SLC22A24: variants seen among roughly 807,000 people sequenced by gnomAD.
The protein encoded by SLC22A24 is steroid transmembrane transporter SLC22A24.
In SLC22A24, 53 loss-of-function variants were observed where a neutral mutation model predicts 49.8. The ratio of observed to expected loss-of-function variants is 1.06; its 90% CI spans 0.85 to 1.34. The LOEUF is 1.34. Ranked by LOEUF, SLC22A24 falls within the 40% of genes most tolerant of loss-of-function variation. The pLI is 0.00. For missense variants in SLC22A24, 786 were observed against 675.9 expected (o/e 1.16, Z -1.81); for synonymous variants, 302 against 256.4 (o/e 1.18, Z -1.70).
Position 63,119,329 on chromosome 11 carries a change from T to A in SLC22A24, c.513A>T (p.Gly171=). Residue 171 remains glycine (G), a synonymous_variant, in exon 3 of 10, where the codon GGA becomes GGT. Coordinates refer to ENST00000612278, the MANE Select transcript of SLC22A24 (RefSeq NM_001136506.2). ...AACACAATTTGCATATGATCTTCCG[T>A]CCAACCCTAAGAAATATTAAACCAG... ...LIYGHLSDRV[G]RKIICKLCFL... 6.5e-7 allele frequency: 1 copy of A among 1,532,334 alleles called. No homozygotes were observed. The highest frequency in any genetic ancestry group is 1.2e-5 in the South Asian group (1 of 80,216). 94.9% of individuals were successfully genotyped at this position (1,532,334 alleles called of 1,614,324 possible).
At chr11:63,131,822 G>A (rs560992248) in intron 2 of SLC22A24, among the ~76,000 whole-genome samples, 27 of 152,232 alleles carry the variant, frequency 1.8e-4, no homozygotes, top group South Asian at 1.7e-3. Flanking sequence ...TTGAATGTTG[G>A]CCTGCCTATC....
rs1313582371 is a variant in SLC22A24 at position 63,081,643 on chromosome 11, A to G, written c.1309T>C (p.Leu437=). 1 of 1,551,332 alleles carries G rather than the reference A, an allele frequency of 6.4e-7. No homozygotes were observed. The highest frequency in any genetic ancestry group is 1.4e-5 in the African/African-American group (1 of 73,050). ...ACACTACCAATTCCCAAAGTTGCTA[A>G]AACCACACGCAGGATCTGCATTTCT... The part of the protein sequence containing the change: ...PQEMQILRVV[L]ATLGIGSVSA... Residue 437 remains leucine (L), a synonymous_variant, in exon 8 of 10, where the codon TTA becomes CTA. Coordinates refer to ENST00000612278, the MANE Select transcript of SLC22A24 (RefSeq NM_001136506.2).
intron 2 of SLC22A24, among the ~76,000 whole-genome samples, chr11:63,124,861 C>G (rs1003188480): frequency 6.6e-6 from 1 of 151,662 alleles, no homozygotes; most frequent in African/African-American, 2.4e-5. Flanking sequence ...GGACAAAAAA[C>G]CAAACAACGC....
At chr11:63,142,946 A>G (rs1370174678) in intron 1 of SLC22A24, among the ~76,000 whole-genome samples, 1 of 152,192 alleles carries the variant, frequency 6.6e-6, no homozygotes, top group Non-Finnish European at 1.5e-5. Context: ...AAAACAACCA[A>G]AACTAAGTAT....
Position 63,127,999 on chromosome 11 carries a change from C to T in SLC22A24, c.506+6666G>A, listed in dbSNP as rs139672408. 3.2e-3 allele frequency among the ~76,000 whole-genome samples: 468 copies of T among 146,388 alleles called. 2 individuals are homozygous for T. The highest frequency in any genetic ancestry group is 9.7e-3 in the South Asian group (42 of 4,320). ...TGTGGGCGGCAAGCCACCCAGGCACCGACGCAAGAGACTGAGAGCAGGAGC... is the reference window on the plus strand; with the variant it reads ...TGTGGGCGGCAAGCCACCCAGGCACTGACGCAAGAGACTGAGAGCAGGAGC... On this transcript the variant is annotated intron_variant, in intron 2 of 9. Coordinates refer to ENST00000612278, the MANE Select transcript of SLC22A24 (RefSeq NM_001136506.2).
intron 2 of SLC22A24, among the ~76,000 whole-genome samples, chr11:63,126,590 C>T (rs114243191): frequency 0.021 from 3,121 of 152,136 alleles, 100 homozygotes; most frequent in African/African-American, 0.07. Flanking sequence ...AGTCAGGTAG[C>T]GTGTTGCCTC....
At chr11:63,103,986 C>T in intron 5 of SLC22A24, 189 bp downstream of exon 5, 1 of 506,514 alleles carries the variant, frequency 2.0e-6, no homozygotes, top group Non-Finnish European at 3.3e-6. Context: ...ATATCCACTT[C>T]TCCCAGTATA....
chr11:63,132,011 C>T (rs1229244111), intron 2 of SLC22A24, among the ~76,000 whole-genome samples: 2 of 152,102 alleles, frequency 1.3e-5, no homozygotes, highest in Non-Finnish European at 2.9e-5. Context: ...CTTGTCTTCT[C>T]ACTTTATTTC....
chr11:63,108,799 T>G (rs1225659623), intron 4 of SLC22A24, among the ~76,000 whole-genome samples: 1 of 151,782 alleles, frequency 6.6e-6, no homozygotes, highest in Non-Finnish European at 1.5e-5. Flanking sequence ...CATTTTTTTT[T>G]GCATCTATTT....
At chr11:63,093,372 A>G (rs2087032552) in intron 6 of SLC22A24, among the ~76,000 whole-genome samples, 1 of 152,146 alleles carries the variant, frequency 6.6e-6, no homozygotes, top group African/African-American at 2.4e-5. Context: ...AAATCATTCT[A>G]CCATAAAAAC....
At chr11:63,107,668 C>T (rs2087130776) in intron 4 of SLC22A24, among the ~76,000 whole-genome samples, 1 of 151,894 alleles carries the variant, frequency 6.6e-6, no homozygotes, top group Non-Finnish European at 1.5e-5. Context: ...AAGTTGGATT[C>T]CTAGGTATTT....
intron 4 of SLC22A24, among the ~76,000 whole-genome samples, chr11:63,111,985 C>T (rs1224740087): frequency 4.0e-5 from 6 of 151,894 alleles, no homozygotes; most frequent in Non-Finnish European, 7.4e-5. Context: ...TTGTGGGCAT[C>T]TAGTGCTATA....
intron 2 of SLC22A24, among the ~76,000 whole-genome samples, chr11:63,123,872 C>G (rs1027423629): frequency 1.3e-5 from 2 of 152,150 alleles, no homozygotes; most frequent in South Asian, 2.1e-4. Context: ...ACTATTTCAA[C>G]AGCCTTTTAA....
intron 2 of SLC22A24, among the ~76,000 whole-genome samples, chr11:63,128,770 C>T (rs1227935857): frequency 1.3e-5 from 2 of 152,200 alleles, no homozygotes; most frequent in Non-Finnish European, 2.9e-5. Context: ...GGCTCACATT[C>T]CTTACCCTGC....
In SLC22A24 at chr11:63,122,745, C is replaced by T. The variant is rs540922258; in HGVS notation, c.507-3410G>A. Among the ~76,000 whole-genome samples, 5 of 152,238 alleles carry T rather than the reference C, an allele frequency of 3.3e-5. No individual in the cohort carries two copies. In the South Asian group the frequency reaches 1.0e-3, roughly 32 times the overall value. On this transcript the variant is annotated intron_variant, in intron 2 of 9. Coordinates refer to ENST00000612278, the MANE Select transcript of SLC22A24 (RefSeq NM_001136506.2). Reference sequence around the variant, plus strand: ...GCATGTTGGCCAGGATGGTCTTGATCTCCTGACTTCGTGATCCGCTAGCCT... The same window carrying T: ...GCATGTTGGCCAGGATGGTCTTGATTTCCTGACTTCGTGATCCGCTAGCCT...
At position 63,095,978 on chromosome 11, in the gene SLC22A24, A is replaced by G; in HGVS notation, c.1070+13T>C. ...CAATATTTTAAAGTGAATCATCACC[A>G]AATGGAACTTACCTCACAAAGCACA... On this transcript the variant is annotated intron_variant, in intron 6 of 9. Transcript: ENST00000612278. 1 of 1,529,508 alleles carries G rather than the reference A, an allele frequency of 6.5e-7. No homozygotes were observed. The highest frequency in any genetic ancestry group is 2.5e-5 in the East Asian group (1 of 40,766). The allele number at this position is 1,529,508 out of a possible 1,614,324, so 94.7% of individuals were successfully genotyped here.
intron 2 of SLC22A24, among the ~76,000 whole-genome samples, chr11:63,120,635 G>A (rs1449723021): frequency 6.6e-6 from 1 of 151,938 alleles, no homozygotes; most frequent in Non-Finnish European, 1.5e-5. Context: ...GGAAGGGCAG[G>A]CACCCTTTCT....
intron 4 of SLC22A24, among the ~76,000 whole-genome samples, chr11:63,111,650 G>A (rs1380337408): frequency 2.0e-5 from 3 of 150,492 alleles, no homozygotes; most frequent in Non-Finnish European, 1.5e-5. Flanking sequence ...GGTGTTTGTA[G>A]TATTCTCTGA....
Position 63,080,963 on chromosome 11 carries a change from T to C in SLC22A24, c.1555A>G (p.Arg519Gly). The change falls in exon 9 of 10, where the codon AGG (arginine) becomes GGG (glycine). Residue 519 changes from arginine to glycine, a missense_variant. Physicochemically the swap from Arg to Gly is moderately radical, Grantham distance 125 (BLOSUM62 -2). Transcript: ENST00000612278. ...ATGGTGTTAGGAAGAGGTAGATCCCTGGTTTCTGGAAGGAGGAGGATAACA... is the reference window on the plus strand; with the variant it reads ...ATGGTGTTAGGAAGAGGTAGATCCCCGGTTTCTGGAAGGAGGAGGATAACA... Reference protein sequence around the residue: ...VPVILLLPETRDLPLPNTIQD... With the variant: ...VPVILLLPETGDLPLPNTIQD... The C allele has an allele frequency of 6.4e-7, 1 of 1,552,558 alleles. No individual in the cohort carries two copies. The highest frequency in any genetic ancestry group is 8.7e-7 in the Non-Finnish European group (1 of 1,147,552).
Sources: gnomAD v4.1 joint callset for allele counts (sites outside exome capture counted in the v4.1 genomes callset) on GRCh38, gnomAD v4.1.1 for gene constraint, MANE v1.5 for transcripts, NCBI Gene and HGNC (gene_info 2026-07-23, HGNC 2026-07-21) for gene names.